The following SCAPER variants were observed in gnomAD, a reference collection of about 807,000 sequenced individuals.
SCAPER encodes S phase cyclin A-associated protein in the endoplasmic reticulum.
A neutral mutation model predicts 182.2 loss-of-function variants in SCAPER; 98 were observed. That is an observed-to-expected ratio of 0.54 (90% CI 0.46 to 0.64). The LOEUF (loss-of-function observed/expected upper bound fraction) is 0.64, where lower values mean the gene tolerates loss of function less well. SCAPER is among the 30% of genes least tolerant of loss of function. SCAPER has a pLI of 0.00. For missense variants in SCAPER, 1,432 were observed against 1,690.0 expected (o/e 0.85, Z 2.68); for synonymous variants, 605 against 564.6 (o/e 1.07, Z -1.01).
intron 20 of SCAPER, among the ~76,000 whole-genome samples, chr15:76,693,330 A>G (rs1355363544): frequency 6.6e-6 from 1 of 152,218 alleles, no homozygotes; most frequent in East Asian, 1.9e-4. Context: ...AAAAAATTGA[A>G]AATAACAAGT....
At chr15:76,368,478 A>C (rs999550024) in intron 29 of SCAPER, among the ~76,000 whole-genome samples, 3 of 152,378 alleles carry the variant, frequency 2.0e-5, no homozygotes, top group African/African-American at 2.4e-5. Context: ...CTGAGTTACA[A>C]GAGAGCTGGA....
intron 5 of SCAPER, among the ~76,000 whole-genome samples, chr15:76,809,023 C>G (rs1868442458): frequency 6.6e-6 from 1 of 152,176 alleles, no homozygotes; most frequent in Non-Finnish European, 1.5e-5. Flanking sequence ...TCTCAGGATA[C>G]TAACAGGACT....
At chr15:76,434,468 TTACC>T (rs1225297327) in intron 25 of SCAPER, among the ~76,000 whole-genome samples, 158 bp from the exon 26 acceptor site, 1 of 152,164 alleles carries the variant, frequency 6.6e-6, no homozygotes, top group African/African-American at 2.4e-5. Context: ...AATCTGAGCT[TTACC>T]CTCAGTACCT....
chr15:76,812,305 C>T (rs557143736), intron 5 of SCAPER, among the ~76,000 whole-genome samples: 2 of 151,648 alleles, frequency 1.3e-5, no homozygotes, highest in Non-Finnish European at 2.9e-5. Context: ...CAAAGCGAGA[C>T]TCCGTCTCAA....
chr15:76,774,804 T>C, intron 9 of SCAPER, 51 bp downstream of exon 9: 1 of 1,536,448 alleles, frequency 6.5e-7, no homozygotes, highest in Non-Finnish European at 8.8e-7. Flanking sequence ...AGTACACATG[T>C]ACACATACAC....
At chr15:76,846,500 T>C (rs1002101569) in intron 4 of SCAPER, among the ~76,000 whole-genome samples, 5 of 151,894 alleles carry the variant, frequency 3.3e-5, no homozygotes, top group Non-Finnish European at 7.4e-5. Context: ...AACAACTCAA[T>C]AGGAAAAAAT....
rs58388611 is a variant in SCAPER, at chr15:76,354,114, G to C, written c.3882C>G (p.Pro1294=). ...NQVIVQSGRH[P]TVLQKLCQLP... is the part of the protein sequence containing the mutation. The stretch of plus-strand genomic sequence containing the variant: ...ACTGGCAGAGCTTCTGCAGCACTGT[G>C]GGGTGGCGGCCGGACTGCACGATCA... Residue 1294 remains proline, a synonymous_variant, in exon 30 of 32, where the codon CCC becomes CCG. Coordinates refer to ENST00000563290, the MANE Select transcript of SCAPER (RefSeq NM_020843.4). This position sits in a 1 kb window ranked among gnomAD's most constrained non-coding sequence, Gnocchi z 4.4. The C allele has an allele frequency of 8.5e-4, 1,375 of 1,608,804 alleles. 18 individuals carry two copies. The African/African-American group carries it at 0.016, about 19-fold the overall frequency.
intron 21 of SCAPER, among the ~76,000 whole-genome samples, chr15:76,626,752 GAGTA>G (rs981332083): frequency 2.0e-5 from 3 of 152,186 alleles, no homozygotes; most frequent in South Asian, 2.1e-4. Context: ...CTATGGGGCA[GAGTA>G]AGTGACAGGT....
chr15:76,557,355 T>C (rs1445097945), intron 23 of SCAPER, among the ~76,000 whole-genome samples: 1 of 152,180 alleles, frequency 6.6e-6, no homozygotes, highest in Non-Finnish European at 1.5e-5. Context: ...CCAGCTTCAA[T>C]CTATGCTACA....
At chr15:76,488,826 AGCGATTCT>A (rs1336038797) in intron 24 of SCAPER, among the ~76,000 whole-genome samples, 1 of 145,904 alleles carries the variant, frequency 6.9e-6, no homozygotes, top group Non-Finnish European at 1.5e-5. Flanking sequence ...CCCAGGTTCA[AGCGATTCT>A]CCTGCCTCAG....
chr15:76,413,439 T>C (rs1382543721), intron 26 of SCAPER, among the ~76,000 whole-genome samples: 1 of 152,220 alleles, frequency 6.6e-6, no homozygotes, highest in Non-Finnish European at 1.5e-5. Context: ...ACTAAGATGA[T>C]CTTAGTTTCC....
In SCAPER at chr15:76,753,853, C is replaced by T. The variant is rs1433184272; in HGVS notation, c.1821G>A (p.Val607=). Residue 607 remains valine, a synonymous_variant, in exon 15 of 32, where the codon GTG becomes GTA. Transcript: ENST00000563290. ...CTTTTTTCACAATTGCTTGTAACTG[C>T]ACTTCTCGCTTAAACTCAGCATGAA... is the stretch of plus-strand genomic sequence containing the variant. ...KLLHAEFKRE[V]QLQAIVKKAQ... is the part of the protein sequence containing the mutation. The T allele has an allele frequency of 4.3e-6, 7 of 1,613,104 alleles. No homozygotes were observed. The highest frequency in any genetic ancestry group is 5.9e-6 in the Non-Finnish European group (7 of 1,179,322).
At chr15:76,489,493 T>C (rs2052061085) in intron 24 of SCAPER, among the ~76,000 whole-genome samples, 1 of 151,830 alleles carries the variant, frequency 6.6e-6, no homozygotes, top group African/African-American at 2.4e-5. Context: ...AGTTTTGCCT[T>C]CTTTAGAATG....
intron 5 of SCAPER, among the ~76,000 whole-genome samples, chr15:76,832,417 A>G (rs1164599390): frequency 6.6e-6 from 1 of 152,268 alleles, no homozygotes; most frequent in African/African-American, 2.4e-5. Context: ...AATCAGTGCA[A>G]GCATATAAAG....
At chr15:76,885,182 C>A (rs1449097296) in intron 1 of SCAPER, among the ~76,000 whole-genome samples, 1 of 152,124 alleles carries the variant, frequency 6.6e-6, no homozygotes, top group Non-Finnish European at 1.5e-5. Flanking sequence ...ATCAGTAAAG[C>A]TATTATATTT....
chr15:76,679,092 G>A (rs1329803664), intron 20 of SCAPER, among the ~76,000 whole-genome samples: 1 of 152,046 alleles, frequency 6.6e-6, no homozygotes, highest in Non-Finnish European at 1.5e-5. Flanking sequence ...GATGGCATTA[G>A]GCATATCAAA....
At chr15:76,841,057 G>C (rs1399507605) in intron 5 of SCAPER, among the ~76,000 whole-genome samples, 1 of 152,140 alleles carries the variant, frequency 6.6e-6, no homozygotes, top group African/African-American at 2.4e-5. Flanking sequence ...AATCTCACTA[G>C]TGCCATCTAC....
At chr15:76,606,752 T>A (rs1015590787) in intron 22 of SCAPER, among the ~76,000 whole-genome samples, 5 of 151,956 alleles carry the variant, frequency 3.3e-5, no homozygotes, top group African/African-American at 1.2e-4. Flanking sequence ...GTTGAATTGA[T>A]CCCTTTACCA....
intron 24 of SCAPER, among the ~76,000 whole-genome samples, chr15:76,502,590 G>T (rs893773361): frequency 6.6e-6 from 1 of 151,844 alleles, no homozygotes; most frequent in African/African-American, 2.4e-5. Context: ...GAGGAGGGGG[G>T]AGGGATAGCA....
Sources: gnomAD v4.1 joint callset for allele counts (sites outside exome capture counted in the v4.1 genomes callset) on GRCh38, gnomAD v4.1.1 for gene constraint, Gnocchi (gnomAD v3.1) non-coding constraint, MANE v1.5 for transcripts, NCBI Gene and HGNC (gene_info 2026-07-23, HGNC 2026-07-21) for gene names.